Variants in DOCK1 observed in about 807,000 individuals in gnomAD.
DOCK1 encodes the protein dedicator of cytokinesis 1.
Under a neutral mutation model 262.7 loss-of-function variants are expected in DOCK1, and 138 were observed. The observed-to-expected ratio is 0.53, with a 90% CI of 0.46 to 0.61. The LOEUF (loss-of-function observed/expected upper bound fraction) is 0.61. Ranked by LOEUF, DOCK1 falls within the 20% of genes least tolerant of loss-of-function variation. DOCK1 has a pLI of 0.00. For missense variants in DOCK1, 1,908 were observed against 2,370.7 expected (o/e 0.80, Z 4.05); for synonymous variants, 866 against 867.4 (o/e 1.00, Z 0.03).
chr10:127,003,963 C>A (rs929393182), intron 10 of DOCK1, among the ~76,000 whole-genome samples: 1 of 150,936 alleles, frequency 6.6e-6, no homozygotes, highest in Non-Finnish European at 1.5e-5. Flanking sequence ...CCCCTCCCCC[C>A]CAAAAAAAAG....
chr10:127,266,116 G>A (rs1332615777), intron 29 of DOCK1, among the ~76,000 whole-genome samples: 1 of 152,228 alleles, frequency 6.6e-6, no homozygotes, highest in Admixed American at 6.5e-5. Context: ...GGATGGCCAA[G>A]TCAGGAGGAC....
chr10:127,328,119 C>CAAAAAAAA (rs11301683), intron 29 of DOCK1, among the ~76,000 whole-genome samples: 1 of 72,534 alleles, frequency 1.4e-5, no homozygotes, highest in Non-Finnish European at 3.0e-5. Context: ...TACAAATGGG[C>CAAAAAAAA]AAAAAAAAAA....
At chr10:127,047,133 G>A (rs2044401427) in intron 21 of DOCK1, among the ~76,000 whole-genome samples, 2 of 148,576 alleles carry the variant, frequency 1.3e-5, no homozygotes, top group South Asian at 2.1e-4. Flanking sequence ...ATGACCGTGT[G>A]TTGTTGTTAA....
chr10:127,429,669 G>A (rs762550286), intron 47 of DOCK1, among the ~76,000 whole-genome samples: 7 of 152,188 alleles, frequency 4.6e-5, no homozygotes, highest in Non-Finnish European at 7.3e-5. Flanking sequence ...TCCCAGTCCT[G>A]GGGCTCCAAG....
At chr10:127,032,365 C>A in intron 18 of DOCK1, 45 bp downstream of exon 18, 3 of 1,459,894 alleles carry the variant, frequency 2.1e-6, no homozygotes, top group Non-Finnish European at 2.7e-6. Flanking sequence ...AGCTCTGCCC[C>A]AGTCCTGTCT....
chr10:127,017,941 T>A (rs2042131566), intron 12 of DOCK1, among the ~76,000 whole-genome samples: 2 of 152,196 alleles, frequency 1.3e-5, no homozygotes, highest in African/African-American at 4.8e-5. Context: ...CACAGTTCTT[T>A]GTCAGCCTTG....
At chr10:127,165,762 T>C (rs2054016324) in intron 27 of DOCK1, among the ~76,000 whole-genome samples, 1 of 152,182 alleles carries the variant, frequency 6.6e-6, no homozygotes, top group Non-Finnish European at 1.5e-5. Flanking sequence ...CGTTGCATCC[T>C]GGCACCCAGA....
At chr10:127,285,327 C>G (rs1413228447) in intron 29 of DOCK1, among the ~76,000 whole-genome samples, 1 of 152,162 alleles carries the variant, frequency 6.6e-6, no homozygotes, top group African/African-American at 2.4e-5. Context: ...AACATGCACA[C>G]CTTTTGGTGC....
intron 24 of DOCK1, among the ~76,000 whole-genome samples, chr10:127,109,153 C>G (rs539762112): frequency 9.2e-5 from 14 of 152,256 alleles, no homozygotes; most frequent in African/African-American, 3.1e-4. Context: ...ATCTACTCGT[C>G]CCCCTCCAGA....
chr10:127,203,777 G>T (rs1466280027), intron 27 of DOCK1, among the ~76,000 whole-genome samples: 2 of 151,948 alleles, frequency 1.3e-5, no homozygotes, highest in African/African-American at 4.8e-5. Context: ...ACATTCTGCA[G>T]CTGTGCCATA....
intron 27 of DOCK1, among the ~76,000 whole-genome samples, chr10:127,160,236 T>C (rs575168124): frequency 6.6e-6 from 1 of 152,208 alleles, no homozygotes; most frequent in African/African-American, 2.4e-5. Flanking sequence ...TGGAAACTAA[T>C]TTTACAGTAC....
intron 27 of DOCK1, chr10:127,145,871 A>G (rs2051776599): frequency 5.0e-6 from 2 of 401,204 alleles, no homozygotes; most frequent in Non-Finnish European, 9.8e-6. Flanking sequence ...TGTGTGTGTC[A>G]TCTGGTGTCA....
intron 44 of DOCK1, 67 bp downstream of exon 44, chr10:127,415,305 T>G (rs1290529472): frequency 4.6e-5 from 69 of 1,497,102 alleles, no homozygotes; most frequent in Non-Finnish European, 6.3e-5. Context: ...CCACGCCTTC[T>G]TCACCTGCTC....
In DOCK1 at chr10:127,012,397, T is replaced by C; in HGVS notation, c.1201+23T>C. On this transcript the variant is annotated intron_variant, in intron 12 of 51. Transcript: ENST00000623213. The surrounding 1 kb of genome is among the most constrained non-coding windows in gnomAD (Gnocchi z 4.0). The stretch of plus-strand genomic sequence containing the variant: ...AGGGTACGTATTTTCCTATTTTGTT[T>C]CTATCAGCGTGTATTTGCATGCGTT... The C allele has an allele frequency of 6.2e-7, 1 of 1,612,378 alleles. No homozygotes were observed.
intron 23 of DOCK1, among the ~76,000 whole-genome samples, chr10:127,064,165 T>TGTGGCCC (rs1368265944): frequency 1.3e-5 from 2 of 152,212 alleles, no homozygotes; most frequent in African/African-American, 4.8e-5. Flanking sequence ...TTTCCCCAAG[T>TGTGGCCC]GTGGCCCTCG....
chr10:127,406,365 G>T (rs2067515750), intron 40 of DOCK1, among the ~76,000 whole-genome samples: 1 of 152,148 alleles, frequency 6.6e-6, no homozygotes, highest in Non-Finnish European at 1.5e-5. Context: ...GGCGGTGCTG[G>T]GTCATCTCCA....
At chr10:127,246,249 C>CA (rs1424421045) in intron 27 of DOCK1, among the ~76,000 whole-genome samples, 2 of 152,176 alleles carry the variant, frequency 1.3e-5, no homozygotes, top group Admixed American at 6.5e-5. Context: ...GTACAGCCTC[C>CA]ACACCCAGCT....
At chr10:126,927,446 CT>C (rs375447444) in intron 1 of DOCK1, among the ~76,000 whole-genome samples, 6 of 149,114 alleles carry the variant, frequency 4.0e-5, no homozygotes, top group African/African-American at 4.9e-5. Context: ...CTGTCTCATT[CT>C]TTTTTTTTTG....
At chr10:127,439,277 C>A (rs777331215) in intron 49 of DOCK1, 52 bp downstream of exon 49, 3 of 1,550,944 alleles carry the variant, frequency 1.9e-6, no homozygotes, top group Non-Finnish European at 1.7e-6. Flanking sequence ...AGGGACCTAC[C>A]TTTGCCCCAC....
Sources: gnomAD v4.1 joint callset for allele counts (sites outside exome capture counted in the v4.1 genomes callset) on GRCh38, gnomAD v4.1.1 for gene constraint, Gnocchi (gnomAD v3.1) non-coding constraint, MANE v1.5 for transcripts, NCBI Gene and HGNC (gene_info 2026-07-23, HGNC 2026-07-21) for gene names.